HIF3A: variants seen among roughly 807,000 people sequenced by gnomAD.
HIF3A encodes the protein hypoxia-inducible factor 3-alpha.
Under a neutral mutation model 67.2 loss-of-function variants are expected in HIF3A, and 41 were observed. The observed-to-expected ratio is 0.61, with a 90% CI of 0.48 to 0.79. The LOEUF is 0.79. HIF3A is among the 30% of genes least tolerant of loss of function. The pLI is 0.00. For synonymous variants in HIF3A, 356 were observed against 374.8 expected, an observed-to-expected ratio of 0.95 and a Z score of 0.58; for missense variants, 855 against 898.0, an observed-to-expected ratio of 0.95 and a Z score of 0.61.
At chr19:46,339,295 C>G (rs1265864497) in intron 14 of HIF3A, among the ~76,000 whole-genome samples, 1 of 152,204 alleles carries the variant, frequency 6.6e-6, no homozygotes, top group East Asian at 1.9e-4. Flanking sequence ...AAAAACAAGA[C>G]TTGCGTCAAA....
intron 10 of HIF3A, among the ~76,000 whole-genome samples, chr19:46,322,483 A>C (rs1293880140): frequency 6.6e-6 from 1 of 152,116 alleles, no homozygotes; most frequent in African/African-American, 2.4e-5. Flanking sequence ...TCTGTCACCC[A>C]GGCTGGAATG....
chr19:46,311,814 T>C (rs76164645), intron 6 of HIF3A, among the ~76,000 whole-genome samples: 10,477 of 152,202 alleles, frequency 0.069, 444 homozygotes, highest in South Asian at 0.11. Context: ...TGAGCCATGA[T>C]TGAACCACTG....
intron 14 of HIF3A, among the ~76,000 whole-genome samples, chr19:46,339,191 C>T (rs568508677): frequency 3.9e-5 from 6 of 152,008 alleles, no homozygotes; most frequent in African/African-American, 1.2e-4. Context: ...CTTTCTTTTA[C>T]GTGTCCACCT....
At chr19:46,307,053 C>G (rs1038631098) in intron 3 of HIF3A, among the ~76,000 whole-genome samples, 2 of 152,042 alleles carry the variant, frequency 1.3e-5, no homozygotes, top group Non-Finnish European at 2.9e-5. Flanking sequence ...CTAGAATACT[C>G]TTACTCCAGG....
At position 46,329,959 on chromosome 19, in the gene HIF3A, GA is replaced by G. The variant is rs11483629; in HGVS notation, c.1712+498del. Among the ~76,000 whole-genome samples the G allele has an allele frequency of 2.2e-4, 22 of 100,152 alleles. 1 individual carries two copies. Among genetic ancestry groups the G allele is most frequent in the South Asian group, 4.0e-4 (1 of 2,516 alleles). 65.7% of individuals were successfully genotyped at this position (100,152 alleles called of 152,430 possible). Reference sequence around the variant, plus strand: ...CTGGGCAATGGTGAGACCCTGTCAAGAAAAAAAAAAAAAAAAAGATAGAGAG... The same window carrying G: ...CTGGGCAATGGTGAGACCCTGTCAAGAAAAAAAAAAAAAAAAGATAGAGAG... On this transcript the variant is annotated intron_variant, in intron 12 of 14. Coordinates refer to ENST00000377670, the MANE Select transcript of HIF3A (RefSeq NM_152795.4).
chr19:46,321,697 CTGGGGT>C, intron 9 of HIF3A, 73 bp from the exon 10 acceptor site: 1 of 1,269,066 alleles, frequency 7.9e-7, no homozygotes, highest in Non-Finnish European at 1.1e-6. Flanking sequence ...AACTGTGTTC[CTGGGGT>C]TGGTATGGAG....
intron 13 of HIF3A, among the ~76,000 whole-genome samples, chr19:46,333,917 C>T (rs1971429244): frequency 4.0e-5 from 6 of 150,322 alleles, no homozygotes; most frequent in South Asian, 4.2e-4. Context: ...CTCAGCCTCC[C>T]AAGTAGCTGG....
At chr19:46,309,093 C>G in intron 5 of HIF3A, 58 bp from the exon 6 acceptor site, 1 of 1,464,030 alleles carries the variant, frequency 6.8e-7, no homozygotes, top group Non-Finnish European at 9.4e-7. Flanking sequence ...CTTCCAACCC[C>G]ATGGGTGGTC....
chr19:46,306,867 G>A (rs1467963470), intron 3 of HIF3A, among the ~76,000 whole-genome samples: 1 of 152,174 alleles, frequency 6.6e-6, no homozygotes, highest in East Asian at 1.9e-4. Flanking sequence ...CTATTCACCA[G>A]CACCAGCACC....
chr19:46,338,828 C>T (rs1971807917), intron 14 of HIF3A, among the ~76,000 whole-genome samples: 1 of 152,128 alleles, frequency 6.6e-6, no homozygotes, highest in Admixed American at 6.6e-5. Flanking sequence ...CACCGCAGCC[C>T]TGAACACCCC....
intron 3 of HIF3A, among the ~76,000 whole-genome samples, 180 bp from the exon 4 acceptor site, chr19:46,308,041 C>T (rs747315312): frequency 1.6e-4 from 25 of 151,942 alleles, no homozygotes; most frequent in South Asian, 1.0e-3. Context: ...ACTTGGTATG[C>T]GCTGAATAAA....
chr19:46,302,892 GAA>G (rs1402543026), intron 1 of HIF3A, among the ~76,000 whole-genome samples: 1 of 152,184 alleles, frequency 6.6e-6, no homozygotes, highest in Admixed American at 6.5e-5. Context: ...AGAAAGAAAA[GAA>G]AAGAGAAACT....
chr19:46,314,399 A>G (rs1969750752), intron 8 of HIF3A, among the ~76,000 whole-genome samples: 1 of 146,036 alleles, frequency 6.8e-6, no homozygotes, highest in Non-Finnish European at 1.5e-5. Context: ...AAAAACAAAC[A>G]CAAAAATATA....
At chr19:46,312,882 ATTTTTTTTTTTTTT>A (rs531816670) in intron 8 of HIF3A, 54 of 879,194 alleles carry the variant, frequency 6.1e-5, no homozygotes, top group East Asian at 1.3e-4. Flanking sequence ...TAGACTGTTA[ATTTTTTTTTTTTTT>A]TTTTTTTTTT....
In HIF3A at chr19:46,309,276, A is replaced by C. The variant is rs1969210986; in HGVS notation, c.687A>C (p.Pro229=). 2 of 1,613,502 alleles carry C rather than the reference A, an allele frequency of 1.2e-6. No individual in the cohort carries two copies. Among genetic ancestry groups the C allele is most frequent in the African/African-American group, 2.7e-5 (2 of 74,878 alleles). ...LVLICEAIPH[P]GSLEPPLGRG... is the part of the protein sequence containing the mutation. ...TCATCTGCGAAGCCATCCCCCACCC[A>C]GGCAGCCTGGAGCCCCCACTGGGCC... The change falls in exon 6 of 15, where the codon CCA becomes CCC. Residue 229 remains proline, a synonymous_variant. Coordinates refer to ENST00000377670, the MANE Select transcript of HIF3A (RefSeq NM_152795.4).
At chr19:46,332,441 G>A (rs1360173798) in intron 13 of HIF3A, among the ~76,000 whole-genome samples, 1 of 152,186 alleles carries the variant, frequency 6.6e-6, no homozygotes, top group East Asian at 1.9e-4. Flanking sequence ...TTAGGAGGCT[G>A]CGGTGAAAGC....
At chr19:46,338,044 A>G (rs1325360346) in intron 14 of HIF3A, among the ~76,000 whole-genome samples, 2 of 152,172 alleles carry the variant, frequency 1.3e-5, no homozygotes, top group East Asian at 1.9e-4. Context: ...CACTGTGCCT[A>G]GCTTTGTGCT....
rs764726459 is a variant in HIF3A, at chr19:46,303,634, G to A, written c.27-264G>A. The A allele has an allele frequency of 3.2e-6, 5 of 1,579,416 alleles. No individual in the cohort carries two copies. In the African/African-American group the frequency reaches 5.4e-5, roughly 17 times the overall value. ...GGGAGGGGACAGAGCGGCCCTAGGC[G>A]CGCCACAGAGAGGAGCGAGGCGCCA... On this transcript the variant is annotated intron_variant, in intron 1 of 14. Coordinates refer to ENST00000377670, the MANE Select transcript of HIF3A (RefSeq NM_152795.4).
chr19:46,304,402 AC>A (rs1968642288), intron 2 of HIF3A, among the ~76,000 whole-genome samples: 2 of 152,034 alleles, frequency 1.3e-5, no homozygotes, highest in Admixed American at 1.3e-4. Context: ...TTCAACTCTT[AC>A]GATTTGGTCC....
Sources: allele counts gnomAD v4.1 joint callset (sites outside exome capture counted in the v4.1 genomes callset), GRCh38; gene constraint gnomAD v4.1.1; transcripts MANE v1.5; gene names NCBI Gene and HGNC (gene_info 2026-07-23, HGNC 2026-07-21).